Variants in VGLL4 observed in about 807,000 individuals in gnomAD.
The protein encoded by VGLL4 is transcription cofactor vestigial-like protein 4.
VGLL4 carries 7 observed loss-of-function variants against 21.0 expected under a neutral mutation model. The observed-to-expected ratio is 0.33, with a 90% CI of 0.19 to 0.63. The LOEUF is 0.63. Ranked by LOEUF, VGLL4 falls within the 20% of genes least tolerant of loss-of-function variation. The pLI, the probability that VGLL4 is intolerant of heterozygous loss-of-function variation, is 0.78. For synonymous variants in VGLL4, 222 were observed against 173.2 expected, an observed-to-expected ratio of 1.28 and a Z score of -2.21; for missense variants, 394 against 425.7, an observed-to-expected ratio of 0.93 and a Z score of 0.66.
At chr3:11,558,959 A>G in intron 4 of VGLL4, 132 bp from the exon 5 acceptor site, 4 of 1,096,216 alleles carry the variant, frequency 3.6e-6, no homozygotes, top group Non-Finnish European at 3.9e-6. Context: ...TGCAGACAGA[A>G]CCCACCTCCC....
chr3:11,584,923 TCCA>T (rs150855339), intron 2 of VGLL4, among the ~76,000 whole-genome samples: 4 of 151,334 alleles, frequency 2.6e-5, no homozygotes, highest in South Asian at 2.1e-4. Flanking sequence ...CACCCAGGGA[TCCA>T]CCACCACCAC....
At chr3:11,559,290 A>G in intron 4 of VGLL4, 42 bp downstream of exon 4, 5 of 1,494,942 alleles carry the variant, frequency 3.3e-6, no homozygotes, top group Non-Finnish European at 3.6e-6. Flanking sequence ...CTCTGCTGCC[A>G]CTAGCACAGC....
At chr3:11,720,284 T>C (rs2076977216) in intron 1 of VGLL4, 2 of 151,010 alleles carry the variant, frequency 1.3e-5, no homozygotes, top group African/African-American at 4.9e-5. Flanking sequence ...CCACACCCGC[T>C]CACCCCCGGA....
chr3:11,656,818 A>G (rs2075965769), intron 2 of VGLL4, among the ~76,000 whole-genome samples: 1 of 152,200 alleles, frequency 6.6e-6, no homozygotes, highest in Admixed American at 6.5e-5. Flanking sequence ...CCAGGCTCTC[A>G]GAGAAGCAAG....
At chr3:11,644,890 G>A, upstream of VGLL4, among the ~76,000 whole-genome samples, 1 of 150,996 alleles carries the variant, frequency 6.6e-6, no homozygotes. Flanking sequence ...GACAAGGAGA[G>A]GAGAAGAGAT....
chr3:11,709,253 T>C (rs1264407409), intron 1 of VGLL4, among the ~76,000 whole-genome samples: 3 of 150,812 alleles, frequency 2.0e-5, no homozygotes, highest in Non-Finnish European at 3.0e-5. Flanking sequence ...CTGGCCAACA[T>C]AGAGAAACCC....
chr3:11,652,447 T>C (rs1274098201), intron 2 of VGLL4, among the ~76,000 whole-genome samples: 2 of 151,986 alleles, frequency 1.3e-5, no homozygotes, highest in Non-Finnish European at 2.9e-5. Context: ...TGACATGGAG[T>C]CTAACTCTGT....
At chr3:11,701,810 A>AT (rs1286238173) in intron 2 of VGLL4, among the ~76,000 whole-genome samples, 2 of 152,184 alleles carry the variant, frequency 1.3e-5, no homozygotes, top group East Asian at 1.9e-4. Flanking sequence ...GTCAACCTAA[A>AT]TTTTTTTGTT....
Position 11,564,896 on chromosome 3 carries a change from G to A in VGLL4, c.396C>T (p.Ser132=), listed in dbSNP as rs147984254. Residue 132 remains serine (S), a synonymous_variant, in exon 3 of 5, where the codon AGC becomes AGT. Coordinates refer to ENST00000430365, the MANE Select transcript of VGLL4 (RefSeq NM_001128219.3). The part of the protein sequence containing the change: ...HGSHLYTSLP[S]LGLEQPLALT... ...GTGCGAGGGGCTGCTCCAGGCCAAG[G>A]CTGGGGAGGGAGGTGTACAGGTGGC... 1.9e-6 allele frequency: 3 copies of A among 1,607,704 alleles called. No individual in the cohort carries two copies. The highest frequency in any genetic ancestry group is 2.5e-6 in the Non-Finnish European group (3 of 1,177,738).
intron 2 of VGLL4, among the ~76,000 whole-genome samples, chr3:11,671,574 A>G (rs1403346602): frequency 1.3e-5 from 2 of 152,212 alleles, no homozygotes; most frequent in East Asian, 3.8e-4. Context: ...CAAATACTCT[A>G]TTCTTGATCT....
At chr3:11,713,961 C>A (rs189871420) in intron 1 of VGLL4, among the ~76,000 whole-genome samples, 1 of 152,234 alleles carries the variant, frequency 6.6e-6, no homozygotes, top group East Asian at 1.9e-4. Context: ...CTCAGCCCTG[C>A]AGGAGGGCAG....
chr3:11,597,169 G>GATAA (rs1255220281), intron 2 of VGLL4, among the ~76,000 whole-genome samples: 2 of 151,944 alleles, frequency 1.3e-5, no homozygotes, highest in African/African-American at 4.8e-5. Flanking sequence ...ATAATAAGTA[G>GATAA]ATAAATAGGC....
At chr3:11,656,552 A>G (rs1421839901) in intron 2 of VGLL4, among the ~76,000 whole-genome samples, 2 of 152,126 alleles carry the variant, frequency 1.3e-5, no homozygotes, top group Non-Finnish European at 2.9e-5. Flanking sequence ...GTATCTGTCA[A>G]ACTCTAGAGC....
At chr3:11,619,622 T>G (rs1421752833) in intron 1 of VGLL4, among the ~76,000 whole-genome samples, 4 of 152,138 alleles carry the variant, frequency 2.6e-5, no homozygotes, top group African/African-American at 9.7e-5. Flanking sequence ...GCTTAAGATT[T>G]TGGGGTTAGA....
intron 2 of VGLL4, among the ~76,000 whole-genome samples, chr3:11,661,453 TTATTTATTTATC>T (rs889529082): frequency 6.6e-6 from 1 of 150,982 alleles, no homozygotes; most frequent in Non-Finnish European, 1.5e-5. Flanking sequence ...ATTTATTTAT[TTATTTATTTATC>T]TATTTATTTA....
chr3:11,572,824 G>C (rs138520009), intron 2 of VGLL4, among the ~76,000 whole-genome samples: 1 of 152,048 alleles, frequency 6.6e-6, no homozygotes, highest in African/African-American at 2.4e-5. Flanking sequence ...ATATGTACCC[G>C]TTCCTTTATG....
At chr3:11,641,903 A>G (rs2075695159) in intron 1 of VGLL4, among the ~76,000 whole-genome samples, 1 of 151,938 alleles carries the variant, frequency 6.6e-6, no homozygotes, top group African/African-American at 2.4e-5. Flanking sequence ...ACAATCTTAT[A>G]TTTCTCTCTT....
chr3:11,671,538 T>C, intron 2 of VGLL4: 1 of 592,502 alleles, frequency 1.7e-6, no homozygotes, highest in East Asian at 2.8e-5. Flanking sequence ...CCCACCTGTA[T>C]GAAAAGTCAA....
At chr3:11,667,102 A>C (rs185117904) in intron 2 of VGLL4, among the ~76,000 whole-genome samples, 107 of 152,302 alleles carry the variant, frequency 7.0e-4, no homozygotes, top group African/African-American at 2.6e-3. Flanking sequence ...ATAAATTTCT[A>C]TCTCTGGCCT....
Sources: gnomAD v4.1 joint callset for allele counts (sites outside exome capture counted in the v4.1 genomes callset) on GRCh38, gnomAD v4.1.1 for gene constraint, MANE v1.5 for transcripts, NCBI Gene and HGNC (gene_info 2026-07-23, HGNC 2026-07-21) for gene names.